The following TNKS variants were observed in gnomAD, a reference collection of about 807,000 sequenced individuals.
TNKS encodes poly [ADP-ribose] polymerase tankyrase-1.
A neutral mutation model predicts 135.8 loss-of-function variants in TNKS; 72 were observed. That is an observed-to-expected ratio of 0.53 (90% CI 0.44 to 0.64). TNKS has a LOEUF of 0.64. Among genes scored for constraint, TNKS ranks in the 30% least tolerant of loss-of-function variants. The pLI is 0.00. For synonymous variants in TNKS, 849 were observed against 649.3 expected, an observed-to-expected ratio of 1.31 and a Z score of -4.68; for missense variants, 1,769 against 1,674.0, an observed-to-expected ratio of 1.06 and a Z score of -0.99.
intron 26 of TNKS, among the ~76,000 whole-genome samples, chr8:9,771,692 A>AGAGAGGAAGGGAGAAAGC (rs1563225813): frequency 8.1e-6 from 1 of 123,202 alleles, no homozygotes; most frequent in African/African-American, 3.4e-5. Flanking sequence ...AGAGAGAGAG[A>AGAGAGGAAGGGAGAAAGC]GAGAGAGGAA....
chr8:9,600,861 C>T (rs1798990120), intron 2 of TNKS, among the ~76,000 whole-genome samples: 1 of 152,144 alleles, frequency 6.6e-6, no homozygotes, highest in Non-Finnish European at 1.5e-5. Flanking sequence ...CTATTTTACT[C>T]AATTTGTTTC....
At chr8:9,613,839 C>G (rs1405484071) in intron 2 of TNKS, among the ~76,000 whole-genome samples, 1 of 152,176 alleles carries the variant, frequency 6.6e-6, no homozygotes, top group African/African-American at 2.4e-5. Flanking sequence ...GAGAAACAGT[C>G]AGACTTTCAC....
rs1040268794 is a variant in TNKS, at chr8:9,593,015, G to T, written c.898+12632G>T. ...GATTCTGATCATGCATTAACTTTTG[G>T]TTATAATGGGTTTTCCACAAAGGAT... On this transcript the variant is annotated intron_variant, in intron 2 of 26. Coordinates refer to ENST00000310430, the MANE Select transcript of TNKS (RefSeq NM_003747.3). Among the ~76,000 whole-genome samples the T allele has an allele frequency of 3.9e-5, 6 of 152,164 alleles. No individual in the cohort carries two copies. The South Asian group carries it at 1.2e-3, about 32-fold the overall frequency.
chr8:9,593,366 A>C (rs923115637), intron 2 of TNKS, among the ~76,000 whole-genome samples: 1 of 152,306 alleles, frequency 6.6e-6, no homozygotes, highest in South Asian at 2.1e-4. Context: ...TATAATGGAA[A>C]TGTTTTCTTA....
chr8:9,729,081 C>A (rs1363693311), intron 13 of TNKS, among the ~76,000 whole-genome samples: 1 of 152,166 alleles, frequency 6.6e-6, no homozygotes, highest in Non-Finnish European at 1.5e-5. Context: ...AAGGTGGTGT[C>A]TTGTTGCTGC....
intron 11 of TNKS, among the ~76,000 whole-genome samples, chr8:9,710,806 G>T (rs112620411): frequency 0.021 from 3,236 of 152,218 alleles, 134 homozygotes; most frequent in African/African-American, 0.073. Flanking sequence ...TGAGGCAGGA[G>T]AATGGCATGA....
intron 3 of TNKS, among the ~76,000 whole-genome samples, chr8:9,631,881 T>C (rs1800305108): frequency 6.6e-6 from 1 of 152,166 alleles, no homozygotes; most frequent in Non-Finnish European, 1.5e-5. Flanking sequence ...CATGCTTTAA[T>C]GGTTTACTCA....
intron 3 of TNKS, among the ~76,000 whole-genome samples, chr8:9,655,685 G>C (rs1251427798): frequency 1.3e-5 from 2 of 152,208 alleles, no homozygotes; most frequent in East Asian, 1.9e-4. Context: ...TGAGGGTCCT[G>C]ACTGTTAGAA....
intron 11 of TNKS, among the ~76,000 whole-genome samples, chr8:9,720,053 CA>C (rs1297622440): frequency 6.6e-6 from 1 of 152,078 alleles, no homozygotes; most frequent in Non-Finnish European, 1.5e-5. Context: ...TTGTGGCAAG[CA>C]GTAAATACCA....
intron 4 of TNKS, among the ~76,000 whole-genome samples, chr8:9,680,503 TG>T (rs768628341): frequency 2.0e-4 from 31 of 152,274 alleles, no homozygotes; most frequent in Non-Finnish European, 4.3e-4. Flanking sequence ...AAAACAAAAA[TG>T]TAGAAAGCTA....
intron 2 of TNKS, among the ~76,000 whole-genome samples, chr8:9,612,930 A>G (rs1799516172): frequency 6.6e-6 from 1 of 152,208 alleles, no homozygotes; most frequent in Non-Finnish European, 1.5e-5. Context: ...TTTAAGGAAG[A>G]TAAAATGTAT....
In TNKS at chr8:9,765,577, A is replaced by G. The variant is rs1451653164; in HGVS notation, c.3448-115A>G. 7 of 795,422 alleles carry G rather than the reference A, an allele frequency of 8.8e-6. No homozygotes were observed. The East Asian group carries it at 1.9e-4, about 21-fold the overall frequency. The allele number at this position is 795,422 out of a possible 1,614,324, so 49.3% of individuals were successfully genotyped here. A position where few individuals can be genotyped will look rare whatever the true frequency, so the allele number is the denominator to read the frequency against. On this transcript the variant is annotated intron_variant, in intron 23 of 26. Coordinates refer to ENST00000310430, the MANE Select transcript of TNKS (RefSeq NM_003747.3). ...GACATGGTAGCTTTATCACTTTTAA[A>G]TTATGTCTTAAGCAAAATAAAAATT...
intron 2 of TNKS, among the ~76,000 whole-genome samples, chr8:9,590,716 C>G (rs1261503516): frequency 6.6e-6 from 1 of 152,128 alleles, no homozygotes; most frequent in East Asian, 1.9e-4. Context: ...TGTATGTATT[C>G]TTTGGGGAAA....
intron 14 of TNKS, among the ~76,000 whole-genome samples, chr8:9,732,749 C>T (rs1044622839): frequency 1.3e-5 from 2 of 152,156 alleles, no homozygotes; most frequent in Non-Finnish European, 2.9e-5. Flanking sequence ...GCCCATTTCT[C>T]ATCTGAGTAG....
intron 26 of TNKS, among the ~76,000 whole-genome samples, chr8:9,771,764 G>GA (rs952584568): frequency 1.4e-5 from 1 of 72,300 alleles, no homozygotes; most frequent in Non-Finnish European, 2.5e-5. Context: ...GAAGGAGAGA[G>GA]AAAAAAAGGA....
chr8:9,606,855 A>G (rs1266416382), intron 2 of TNKS, among the ~76,000 whole-genome samples: 2 of 152,252 alleles, frequency 1.3e-5, no homozygotes, highest in Non-Finnish European at 2.9e-5. Flanking sequence ...CTGGTTTAAA[A>G]TCACCCTTAA....
At chr8:9,730,170 T>G (rs1805363548) in intron 13 of TNKS, among the ~76,000 whole-genome samples, 1 of 152,232 alleles carries the variant, frequency 6.6e-6, no homozygotes, top group South Asian at 2.1e-4. Context: ...CATGGCATCC[T>G]GCTGCTTTGT....
intron 22 of TNKS, 62 bp from the exon 23 acceptor site, chr8:9,764,654 T>A: frequency 7.8e-7 from 1 of 1,282,948 alleles, no homozygotes. Flanking sequence ...AATTTTAGAC[T>A]CATCATTGTC....
At chr8:9,564,640 C>T (rs1018527991) in intron 1 of TNKS, among the ~76,000 whole-genome samples, 1 of 152,174 alleles carries the variant, frequency 6.6e-6, no homozygotes, top group Admixed American at 6.5e-5. Context: ...TTGCTTCTTA[C>T]CTTTTTATTT....
Sources: gnomAD v4.1 joint callset for allele counts (sites outside exome capture counted in the v4.1 genomes callset) on GRCh38, gnomAD v4.1.1 for gene constraint, MANE v1.5 for transcripts, NCBI Gene and HGNC (gene_info 2026-07-23, HGNC 2026-07-21) for gene names.